The following EXOC6B variants were observed in gnomAD, a reference collection of about 807,000 sequenced individuals.
EXOC6B encodes SEC15 homolog B.
In EXOC6B, 54 loss-of-function variants were observed where a neutral mutation model predicts 113.5. That is an observed-to-expected ratio of 0.48 (90% CI 0.38 to 0.60). The LOEUF (loss-of-function observed/expected upper bound fraction) is 0.60. Ranked by LOEUF, EXOC6B falls within the 20% of genes least tolerant of loss-of-function variation. The pLI, the probability that EXOC6B is intolerant of heterozygous loss-of-function variation, is 0.00. For synonymous variants in EXOC6B, 357 were observed against 339.0 expected, an observed-to-expected ratio of 1.05 and a Z score of -0.58; for missense variants, 797 against 977.5, an observed-to-expected ratio of 0.82 and a Z score of 2.46.
intron 1 of EXOC6B, among the ~76,000 whole-genome samples, chr2:72,768,506 T>A (rs1329562153): frequency 2.0e-5 from 3 of 152,052 alleles, no homozygotes; most frequent in Admixed American, 2.0e-4. Flanking sequence ...TGTTTCTCCA[T>A]GTTGGTCAGG....
At chr2:72,419,508 A>C (rs2105254838) in intron 18 of EXOC6B, among the ~76,000 whole-genome samples, 1 of 152,280 alleles carries the variant, frequency 6.6e-6, no homozygotes, top group East Asian at 1.9e-4. Context: ...TAAGTCCCTC[A>C]GCTTTTGTTT....
At chr2:72,525,997 A>G (rs55843056) in intron 8 of EXOC6B, among the ~76,000 whole-genome samples, 1,659 of 152,226 alleles carry the variant, frequency 0.011, 14 homozygotes, top group Non-Finnish European at 0.019. Context: ...GTAGTTTTCT[A>G]AAGTTATTAT....
At chr2:72,767,829 A>AAAAAAAAAAAAAAAAAAAAAAAC (rs1683172169) in intron 1 of EXOC6B, among the ~76,000 whole-genome samples, 1 of 143,772 alleles carries the variant, frequency 7.0e-6, no homozygotes, top group Non-Finnish European at 1.5e-5. Flanking sequence ...AAAAAAAAAA[A>AAAAAAAAAAAAAAAAAAAAAAAC]AAAAGACCAA....
At position 72,496,707 on chromosome 2, in the gene EXOC6B, T is replaced by C. The variant is rs1700054177; in HGVS notation, c.1338-148A>G. 6.2e-6 allele frequency: 4 copies of C among 649,084 alleles called. No homozygotes were observed. In the East Asian group the frequency reaches 1.1e-4, roughly 18 times the overall value. 40.2% of individuals were successfully genotyped at this position (649,084 alleles called of 1,614,324 possible). A position where few individuals can be genotyped will look rare whatever the true frequency, so the allele number is the denominator to read the frequency against. ...ATATGCCACAACCCAAAATGAACAT[T>C]TCCCAGTCCCTATTATATTCCTTCC... On this transcript the variant is annotated intron_variant, in intron 13 of 21. Coordinates refer to ENST00000272427, the MANE Select transcript of EXOC6B (RefSeq NM_015189.3).
At chr2:72,629,014 T>A (rs1373419912) in intron 6 of EXOC6B, among the ~76,000 whole-genome samples, 1 of 152,176 alleles carries the variant, frequency 6.6e-6, no homozygotes, top group Non-Finnish European at 1.5e-5. Context: ...TCTAATCAAT[T>A]TTCCATGTTT....
chr2:72,481,213 T>G (rs1021227071), intron 16 of EXOC6B, among the ~76,000 whole-genome samples: 1 of 152,212 alleles, frequency 6.6e-6, no homozygotes, highest in African/African-American at 2.4e-5. Context: ...CAAGCCATGC[T>G]GAACTGTGAG....
chr2:72,454,399 CA>C (rs1697090667), intron 18 of EXOC6B, among the ~76,000 whole-genome samples: 1 of 151,998 alleles, frequency 6.6e-6, no homozygotes, highest in Admixed American at 6.6e-5. Flanking sequence ...AGACACTTTG[CA>C]GGGCTGTTGT....
rs533669252 is a variant in EXOC6B, at chr2:72,207,767, C to A, written c.2197-23580G>T. Among the ~76,000 whole-genome samples the A allele has an allele frequency of 8.5e-5, 13 of 152,258 alleles. 1 individual carries two copies. The South Asian group carries it at 2.5e-3, about 29-fold the overall frequency. ...AGGGACTATCTCACTAAACAACAAG[C>A]TTTAGGTTTATCATCTCAATGATCC... On this transcript the variant is annotated intron_variant, in intron 20 of 21. Coordinates refer to ENST00000272427, the MANE Select transcript of EXOC6B (RefSeq NM_015189.3).
intron 7 of EXOC6B, among the ~76,000 whole-genome samples, chr2:72,559,926 C>G (rs185248141): frequency 6.6e-6 from 1 of 152,212 alleles, no homozygotes; most frequent in African/African-American, 2.4e-5. Flanking sequence ...TTTTAGTAGT[C>G]AAAAACAAAA....
intron 16 of EXOC6B, among the ~76,000 whole-genome samples, chr2:72,482,039 C>G (rs1699128001): frequency 6.6e-6 from 1 of 152,168 alleles, no homozygotes; most frequent in Non-Finnish European, 1.5e-5. Context: ...TTAGATCACA[C>G]AGCCTAAATG....
At chr2:72,645,674 C>T (rs1248717974) in intron 6 of EXOC6B, among the ~76,000 whole-genome samples, 1 of 152,138 alleles carries the variant, frequency 6.6e-6, no homozygotes, top group Non-Finnish European at 1.5e-5. Flanking sequence ...AACTGAACAA[C>T]CTGCTCCTGA....
chr2:72,344,740 C>G (rs1462316286), intron 19 of EXOC6B, among the ~76,000 whole-genome samples: 1 of 151,870 alleles, frequency 6.6e-6, no homozygotes, highest in Admixed American at 6.6e-5. Context: ...TTCTAATTTT[C>G]TCCAATTATG....
chr2:72,390,128 G>A (rs964484940), intron 18 of EXOC6B, among the ~76,000 whole-genome samples: 7 of 152,010 alleles, frequency 4.6e-5, no homozygotes, highest in East Asian at 1.9e-4. Context: ...TCCTCTATAC[G>A]TCAGTTTGCA....
intron 20 of EXOC6B, among the ~76,000 whole-genome samples, chr2:72,260,730 G>A (rs1457060170): frequency 7.2e-5 from 11 of 152,136 alleles, no homozygotes; most frequent in Admixed American, 7.2e-4. Flanking sequence ...CTTAATCCTT[G>A]AAGGGATGGT....
At chr2:72,207,936 C>G (rs1679933524) in intron 20 of EXOC6B, among the ~76,000 whole-genome samples, 1 of 152,140 alleles carries the variant, frequency 6.6e-6, no homozygotes, top group Non-Finnish European at 1.5e-5. Flanking sequence ...TTATAGTTCA[C>G]AAAATGTTTT....
chr2:72,466,898 C>A (rs1698091310), intron 17 of EXOC6B, among the ~76,000 whole-genome samples: 2 of 152,154 alleles, frequency 1.3e-5, no homozygotes, highest in African/African-American at 2.4e-5. Context: ...GAATATAACA[C>A]AGTTATTAAC....
At chr2:72,295,101 T>G (rs1686043365) in intron 20 of EXOC6B, among the ~76,000 whole-genome samples, 1 of 151,462 alleles carries the variant, frequency 6.6e-6, no homozygotes, top group Admixed American at 6.6e-5. Flanking sequence ...CATAGTGGCG[T>G]GCACCTGTAT....
chr2:72,322,120 T>C (rs1293654824), intron 20 of EXOC6B, among the ~76,000 whole-genome samples: 1 of 152,148 alleles, frequency 6.6e-6, no homozygotes, highest in Admixed American at 6.5e-5. Flanking sequence ...CAGTTGTACA[T>C]GAATGTTCAC....
chr2:72,492,553 T>C lies in EXOC6B; in HGVS notation c.1554-124A>G, dbSNP rs562078428. 3.2e-5 allele frequency: 17 copies of C among 534,444 alleles called. No homozygotes were observed. The South Asian group carries it at 4.6e-4, about 14-fold the overall frequency. 33.1% of individuals were successfully genotyped at this position (534,444 alleles called of 1,614,324 possible). ...TAATAGCAGCAGCAAATAATACTTA[T>C]TGTAAGTCAGAAAAAGTACTATAAT... On this transcript the variant is annotated intron_variant, in intron 15 of 21. Coordinates refer to ENST00000272427, the MANE Select transcript of EXOC6B (RefSeq NM_015189.3).
Sources: gnomAD v4.1 joint callset for allele counts (sites outside exome capture counted in the v4.1 genomes callset) on GRCh38, gnomAD v4.1.1 for gene constraint, MANE v1.5 for transcripts, NCBI Gene and HGNC (gene_info 2026-07-23, HGNC 2026-07-21) for gene names.